Variants in TRMT44 observed in about 807,000 individuals in gnomAD.
TRMT44 encodes the protein tRNA methyltransferase 44 homolog, also known as probable tRNA (uracil-O(2)-)-methyltransferase.
In TRMT44, 78 loss-of-function variants were observed where a neutral mutation model predicts 77.3. The ratio of observed to expected loss-of-function variants is 1.01; its 90% CI spans 0.84 to 1.22. The LOEUF is 1.22. Ranked by LOEUF, TRMT44 falls within the 50% of genes most tolerant of loss-of-function variation. TRMT44 has a pLI of 0.00. For missense variants in TRMT44, 1,090 were observed against 964.4 expected (o/e 1.13, Z -1.73); for synonymous variants, 391 against 383.3 (o/e 1.02, Z -0.23).
the TRMT44 span, chr4:8,510,623 T>A: frequency 6.6e-6 from 1 of 152,486 alleles, no homozygotes; most frequent in Non-Finnish European, 1.5e-5. Flanking sequence ...CACCAGGATG[T>A]GTTCAGAGAG....
At position 8,491,548 on chromosome 4, in the gene TRMT44, C is replaced by T. The variant is rs199932917; in HGVS notation, n.3892-1718C>T. Among the ~76,000 whole-genome samples the T allele has an allele frequency of 2.7e-3, 411 of 152,348 alleles. 18 individuals carry two copies. The East Asian group carries it at 0.065, about 24-fold the overall frequency. On this transcript the variant is annotated intron_variant and non_coding_transcript_variant, in intron 2 of 2. Coordinates refer to the TRMT44 transcript ENST00000511366. Reference sequence around the variant, plus strand: ...CATGGCGGGCTGCATGTCCCGAGCCCTGCCCCATGGAAAGGCAGCTAAGGC... The same window carrying T: ...CATGGCGGGCTGCATGTCCCGAGCCTTGCCCCATGGAAAGGCAGCTAAGGC...
chr4:8,453,786 A>G (rs1343100861), intron 5 of TRMT44: 2 of 152,304 alleles, frequency 1.3e-5, no homozygotes, highest in Non-Finnish European at 1.5e-5. Context: ...GCTAGGGGGC[A>G]ACAGCTGGAA....
chr4:8,454,293 G>A (rs927549679), intron 5 of TRMT44: 4 of 165,566 alleles, frequency 2.4e-5, no homozygotes, highest in South Asian at 3.4e-4. Context: ...GACCATTAGC[G>A]CAGTACACCT....
chr4:8,441,842 G>A (rs1377542276), intron 1 of TRMT44, among the ~76,000 whole-genome samples: 1 of 152,236 alleles, frequency 6.6e-6, no homozygotes, highest in Non-Finnish European at 1.5e-5. Context: ...GGGGCCAATT[G>A]CAAAATGGAG....
In TRMT44 at chr4:8,452,360, C is replaced by G. The variant is rs16842284; in HGVS notation, c.1023+332C>G. On this transcript the variant is annotated intron_variant, in intron 4 of 10. Transcript: ENST00000389737. This position sits in a 1 kb window ranked among gnomAD's most constrained non-coding sequence, Gnocchi z 5.7. ...GGCCCTGGCCTAGAACCTTCTAGCC[C>G]TTTCCTCAGCTGGCTCGCTAGCTGG... Among the ~76,000 whole-genome samples, 3,870 of 152,320 alleles carry G rather than the reference C, an allele frequency of 0.025. 87 individuals carry two copies. The highest frequency in any genetic ancestry group is 0.064 in the African/African-American group (2,639 of 41,548).
rs768451950 is a variant in TRMT44, at chr4:8,475,820, G to A, written c.2093G>A (p.Trp698Ter). 3.2e-5 allele frequency: 51 copies of A among 1,614,058 alleles called. No individual in the cohort carries two copies. Among genetic ancestry groups the A allele is most frequent in the Non-Finnish European group, 3.6e-5 (43 of 1,180,054 alleles). ...HIRDWREETL[W>*]KTKQPEAKQR... ...CGCGACTGGCGAGAGGAGACACTGT[G>A]GAAGACAAAGCAACCGGAAGCGAAA... The change falls in exon 11 of 11, where the codon TGG (tryptophan) becomes TAG (stop). Residue 698 changes from tryptophan (W) to a stop codon, truncating the protein, a stop_gained. Coordinates refer to ENST00000389737, the MANE Select transcript of TRMT44 (RefSeq NM_152544.3). LOFTEE classifies it low-confidence loss of function (END_TRUNC).
At chr4:8,482,724 G>A (rs559204195) in intron 2 of TRMT44, among the ~76,000 whole-genome samples, 1 of 152,244 alleles carries the variant, frequency 6.6e-6, no homozygotes, top group Non-Finnish European at 1.5e-5. Context: ...AATGTCATCA[G>A]TTAAGGTGGG....
At chr4:8,501,826 G>A in the TRMT44 span, among the ~76,000 whole-genome samples, 2 of 152,108 alleles carry the variant, frequency 1.3e-5, no homozygotes, top group African/African-American at 4.8e-5. This position sits in a 1 kb window ranked among gnomAD's most constrained non-coding sequence, Gnocchi z 4.4. Flanking sequence ...GTCCTTTCTG[G>A]GCCCCAGCCT....
At position 8,452,150 on chromosome 4, in the gene TRMT44, A is replaced by C; in HGVS notation, c.1023+122A>C. The C allele has an allele frequency of 1.1e-6, 1 of 905,744 alleles. No homozygotes were observed. The highest frequency in any genetic ancestry group is 2.1e-5 in the Admixed American group (1 of 47,610). 56.1% of individuals were successfully genotyped at this position (905,744 alleles called of 1,614,324 possible). On this transcript the variant is annotated intron_variant, in intron 4 of 10. Transcript: ENST00000389737. The surrounding 1 kb of genome is among the most constrained non-coding windows in gnomAD (Gnocchi z 5.7). ...GCCGGTGCTCACAATTCTGCTGGCC[A>C]AGGTTGGTTTCTCGTGTAATGGTTT...
intron 9 of TRMT44, 70 bp from the exon 10 acceptor site, chr4:8,471,014 T>A: frequency 9.2e-7 from 1 of 1,084,254 alleles, no homozygotes; most frequent in Non-Finnish European, 1.4e-6. Flanking sequence ...ATGGACTGTT[T>A]CTGCCTGTGT....
intron 7 of TRMT44, 24 bp from the exon 8 acceptor site, chr4:8,465,354 T>C: frequency 6.3e-7 from 1 of 1,596,396 alleles, no homozygotes; most frequent in Non-Finnish European, 8.5e-7. Flanking sequence ...TGCTTGACCC[T>C]GTGGTTGTTG....
chr4:8,450,102 G>A (rs1045481785), intron 3 of TRMT44, among the ~76,000 whole-genome samples: 5 of 151,816 alleles, frequency 3.3e-5, no homozygotes, highest in African/African-American at 1.2e-4. Flanking sequence ...GACTAGCTGG[G>A]ACTACAGGAA....
At chr4:8,514,323 C>T in the TRMT44 span, among the ~76,000 whole-genome samples, 9 of 142,590 alleles carry the variant, frequency 6.3e-5, no homozygotes, top group Non-Finnish European at 9.1e-5. Context: ...GGTGTGATCT[C>T]GGCTCACTGC....
chr4:8,486,770 G>C (rs1185934069), intron 2 of TRMT44, among the ~76,000 whole-genome samples: 3 of 152,148 alleles, frequency 2.0e-5, no homozygotes, highest in African/African-American at 7.2e-5. Context: ...CTGGGCAGAT[G>C]GGGGAGGGCT....
intron 8 of TRMT44, among the ~76,000 whole-genome samples, chr4:8,467,417 C>T (rs913960921): frequency 6.6e-5 from 10 of 152,212 alleles, no homozygotes; most frequent in African/African-American, 2.4e-4. Context: ...ACCATGGGCT[C>T]TTACTGTTTT....
rs1265830103 is a variant in TRMT44 at position 8,446,447 on chromosome 4, A to T, written c.620-29A>T. The T allele has an allele frequency of 7.0e-7, 1 of 1,427,988 alleles. No homozygotes were observed. Among genetic ancestry groups the T allele is most frequent in the South Asian group, 1.2e-5 (1 of 81,528 alleles). 88.5% of individuals were successfully genotyped at this position (1,427,988 alleles called of 1,614,324 possible). A position where few individuals can be genotyped will look rare whatever the true frequency, so the allele number is the denominator to read the frequency against. On this transcript the variant is annotated intron_variant, in intron 1 of 10. Transcript: ENST00000389737. This position sits in a 1 kb window ranked among gnomAD's most constrained non-coding sequence, Gnocchi z 4.3. ...ATGAGACGGTAGCTAGGCAGTTGTA[A>T]TTTGTCCTTCTTCTCTTTTTCTTTC...
rs1188763393 is a variant in TRMT44, at chr4:8,446,873, A to G, written c.734+283A>G. The stretch of plus-strand genomic sequence containing the variant: ...AGCATTAGCTCTGAAGTCAAACTCA[A>G]ATTTCTTTATTGTTATTGTTATTAT... On this transcript the variant is annotated intron_variant, in intron 2 of 10. Coordinates refer to ENST00000389737, the MANE Select transcript of TRMT44 (RefSeq NM_152544.3). This position sits in a 1 kb window ranked among gnomAD's most constrained non-coding sequence, Gnocchi z 4.3. 6.6e-6 allele frequency among the ~76,000 whole-genome samples: 1 copy of G among 151,820 alleles called. No individual in the cohort carries two copies. Among genetic ancestry groups the G allele is most frequent in the African/African-American group, 2.4e-5 (1 of 41,318 alleles).
At position 8,446,145 on chromosome 4, in the gene TRMT44, C is replaced by T. The variant is rs555813766; in HGVS notation, c.620-331C>T. On this transcript the variant is annotated intron_variant, in intron 1 of 10. Coordinates refer to ENST00000389737, the MANE Select transcript of TRMT44 (RefSeq NM_152544.3). This position sits in a 1 kb window ranked among gnomAD's most constrained non-coding sequence, Gnocchi z 4.3. Reference sequence around the variant, plus strand: ...AAGATCATGGTCAGGCTGTGGCAGACACTCAGTTAGGGCAGAGGTCCCCTG... The same window carrying T: ...AAGATCATGGTCAGGCTGTGGCAGATACTCAGTTAGGGCAGAGGTCCCCTG... 2.6e-5 allele frequency among the ~76,000 whole-genome samples: 4 copies of T among 152,308 alleles called. No individual in the cohort carries two copies. The highest frequency in any genetic ancestry group is 6.5e-5 in the Admixed American group (1 of 15,292).
the TRMT44 span, among the ~76,000 whole-genome samples, chr4:8,499,576 AGTGTCCTG>A: frequency 1.4e-5 from 2 of 141,906 alleles, no homozygotes; most frequent in Non-Finnish European, 3.0e-5. Flanking sequence ...GAGGGAGGGG[AGTGTCCTG>A]AGGGTCGATT....
Sources: allele counts gnomAD v4.1 joint callset (sites outside exome capture counted in the v4.1 genomes callset), GRCh38; gene constraint gnomAD v4.1.1; non-coding constraint Gnocchi (gnomAD v3.1); transcripts MANE v1.5; gene names NCBI Gene and HGNC (gene_info 2026-07-23, HGNC 2026-07-21).